The following DIAPH2 variants were observed in gnomAD, a reference collection of about 807,000 sequenced individuals.
The protein encoded by DIAPH2 is diaphanous related formin 2.
In DIAPH2, 35 loss-of-function variants were observed where a neutral mutation model predicts 92.7. The ratio of observed to expected loss-of-function variants is 0.38; its 90% CI spans 0.29 to 0.50. The LOEUF (loss-of-function observed/expected upper bound fraction) is 0.50. DIAPH2 is among the 20% of genes least tolerant of loss of function. The probability of loss-of-function intolerance (pLI) is 0.94; values close to 1 mark genes in which losing one functional copy is unlikely to be tolerated. For synonymous variants in DIAPH2, 301 were observed against 280.4 expected (o/e 1.07, Z -0.73); for missense variants, 701 against 819.5 (o/e 0.86, Z 1.77).
At chrX:97,193,659 C>A (rs1225827055) in intron 22 of DIAPH2, among the ~76,000 whole-genome samples, 1 of 111,868 alleles carries the variant, frequency 8.9e-6, no homozygotes, top group Non-Finnish European at 1.9e-5. Context: ...GAAGTTTATG[C>A]TGACAAGTTG....
intron 22 of DIAPH2, among the ~76,000 whole-genome samples, chrX:97,231,815 A>G (rs1462419023): frequency 1.8e-5 from 2 of 111,085 alleles, no homozygotes; most frequent in Non-Finnish European, 3.8e-5. Context: ...CTCTTCTCTT[A>G]CTTCCTCCTG....
intron 25 of DIAPH2, among the ~76,000 whole-genome samples, chrX:97,389,550 T>C (rs1314239532): frequency 1.8e-5 from 2 of 109,056 alleles, no homozygotes; most frequent in African/African-American, 6.7e-5. Context: ...ATTCCTACGC[T>C]CCTCCAAGTG....
At chrX:97,099,921 T>A in intron 20 of DIAPH2, 126 bp downstream of exon 20, 2 of 321,675 alleles carry the variant, frequency 6.2e-6, no homozygotes, top group East Asian at 9.7e-5. Flanking sequence ...TAATTTAATA[T>A]AATATTGGCT....
chrX:96,822,789 T>G (rs1265232284), intron 4 of DIAPH2, among the ~76,000 whole-genome samples: 1 of 112,584 alleles, frequency 8.9e-6, no homozygotes. Flanking sequence ...TATATACTAT[T>G]AAAGGGCAAA....
At chrX:97,016,202 T>A (rs1249263365) in intron 17 of DIAPH2, among the ~76,000 whole-genome samples, 1 of 112,271 alleles carries the variant, frequency 8.9e-6, no homozygotes, top group African/African-American at 3.2e-5. Context: ...AATGTTTTCA[T>A]GAAATGCAAA....
chrX:97,462,829 CAG>C (rs2070471090), intron 26 of DIAPH2, among the ~76,000 whole-genome samples: 2 of 108,780 alleles, frequency 1.8e-5, no homozygotes, highest in African/African-American at 3.4e-5. Context: ...CATGCTGCAA[CAG>C]AGTGTGAGAA....
intron 23 of DIAPH2, among the ~76,000 whole-genome samples, chrX:97,335,210 G>C (rs1360976688): frequency 9.0e-6 from 1 of 110,717 alleles, no homozygotes; most frequent in East Asian, 2.8e-4. Context: ...TAAGCATTTA[G>C]TTCAATGCCT....
At chrX:96,991,539 GT>G (rs5903062) in intron 17 of DIAPH2, among the ~76,000 whole-genome samples, 37 of 87,299 alleles carry the variant, frequency 4.2e-4, no homozygotes, top group African/African-American at 1.4e-3. Context: ...GTTTTATGGT[GT>G]TTTTTTTTTT....
chrX:97,300,734 C>G (rs1315885028), intron 23 of DIAPH2, among the ~76,000 whole-genome samples: 5 of 90,640 alleles, frequency 5.5e-5, no homozygotes, highest in Non-Finnish European at 1.1e-4. Context: ...AGATTGAGAC[C>G]ATCCTGGCTA....
chrX:97,011,045 T>C, intron 17 of DIAPH2, among the ~76,000 whole-genome samples: 1 of 112,408 alleles, frequency 8.9e-6, no homozygotes, highest in Non-Finnish European at 1.9e-5. Context: ...TCAAATGGTT[T>C]TGTTTTACTT....
chrX:97,066,189 C>T (rs901861940), intron 17 of DIAPH2, among the ~76,000 whole-genome samples: 12 of 112,281 alleles, frequency 1.1e-4, no homozygotes, highest in Non-Finnish European at 2.3e-4. Context: ...CACTTACTCA[C>T]TGACTCACCC....
chrX:97,501,202 T>A (rs1368031844), intron 26 of DIAPH2, among the ~76,000 whole-genome samples: 2 of 111,051 alleles, frequency 1.8e-5, no homozygotes, highest in Non-Finnish European at 3.8e-5. Flanking sequence ...GACCACACTG[T>A]ACGAAGATAT....
At chrX:96,889,263 A>G (rs959730120) in intron 5 of DIAPH2, among the ~76,000 whole-genome samples, 2 of 111,263 alleles carry the variant, frequency 1.8e-5, no homozygotes, top group African/African-American at 6.5e-5. Context: ...CTCTAAATCT[A>G]TGCATGTAGT....
intron 22 of DIAPH2, among the ~76,000 whole-genome samples, chrX:97,233,902 A>G (rs1470387018): frequency 9.0e-6 from 1 of 111,731 alleles, no homozygotes. Flanking sequence ...TTAACATTCT[A>G]TTGATACATT....
chrX:96,933,011 C>T (rs2065629461), intron 10 of DIAPH2, among the ~76,000 whole-genome samples: 1 of 111,268 alleles, frequency 9.0e-6, no homozygotes, highest in Non-Finnish European at 1.9e-5. Context: ...TTCAGTATGC[C>T]CTGCTTCTCA....
At chrX:97,227,747 A>G (rs1196914657) in intron 22 of DIAPH2, among the ~76,000 whole-genome samples, 1 of 112,222 alleles carries the variant, frequency 8.9e-6, no homozygotes, top group East Asian at 2.8e-4. Context: ...TTTTTAGATC[A>G]TATAAGAAAA....
chrX:96,788,899 C>G (rs1316089623), intron 4 of DIAPH2, among the ~76,000 whole-genome samples: 3 of 112,299 alleles, frequency 2.7e-5, no homozygotes, highest in Non-Finnish European at 5.6e-5. Context: ...GGGGAGCACC[C>G]AAGTATTTGT....
chrX:96,705,845 A>C (rs1460706828), intron 1 of DIAPH2, among the ~76,000 whole-genome samples: 1 of 111,712 alleles, frequency 9.0e-6, no homozygotes, highest in Non-Finnish European at 1.9e-5. Context: ...CAATGGACCT[A>C]TTGAAACAGA....
At chrX:97,577,509 T>A (rs1479550344) in intron 26 of DIAPH2, among the ~76,000 whole-genome samples, 1 of 111,443 alleles carries the variant, frequency 9.0e-6, no homozygotes, top group Admixed American at 9.5e-5. Context: ...GCTATTGGAG[T>A]CGAGAGGAGA....
Sources: allele counts gnomAD v4.1 joint callset (sites outside exome capture counted in the v4.1 genomes callset), GRCh38; gene constraint gnomAD v4.1.1; transcripts MANE v1.5; gene names NCBI Gene and HGNC (gene_info 2026-07-23, HGNC 2026-07-21).